The following SERGEF variants were observed in gnomAD, a reference collection of about 807,000 sequenced individuals.
SERGEF encodes the protein secretion-regulating guanine nucleotide exchange factor.
SERGEF carries 51 observed loss-of-function variants against 50.0 expected under a neutral mutation model. That is an observed-to-expected ratio of 1.02 (90% CI 0.81 to 1.29). The LOEUF is 1.29. SERGEF is among the 50% of genes most tolerant of loss of function. The pLI is 0.00. For synonymous variants in SERGEF, 205 were observed against 212.4 expected (o/e 0.97, Z 0.30); for missense variants, 521 against 557.0 (o/e 0.94, Z 0.65).
At chr11:17,870,649 A>T (rs1474634704) in intron 10 of SERGEF, among the ~76,000 whole-genome samples, 1 of 152,234 alleles carries the variant, frequency 6.6e-6, no homozygotes, top group East Asian at 1.9e-4. Flanking sequence ...AGCAACAATG[A>T]ACAAAACTAA....
intron 10 of SERGEF, among the ~76,000 whole-genome samples, chr11:17,865,354 T>A (rs1851001900): frequency 2.0e-5 from 3 of 152,226 alleles, no homozygotes; most frequent in African/African-American, 4.8e-5. Flanking sequence ...TATACTATAC[T>A]TTTTATTGTT....
At position 17,958,641 on chromosome 11, in the gene SERGEF, T is replaced by G. The variant is rs147860419; in HGVS notation, c.1011+829A>C. Among the ~76,000 whole-genome samples, 878 of 152,276 alleles carry G rather than the reference T, an allele frequency of 5.8e-3. 9 individuals carry two copies. Among genetic ancestry groups the G allele is most frequent in the African/African-American group, 0.02 (831 of 41,544 alleles). On this transcript the variant is annotated intron_variant, in intron 9 of 10. Transcript: ENST00000265965. Reference sequence around the variant, plus strand: ...CCCTTGATCAGGTTCCAGCCCATCTTTCTGATATTACCTCATAACTGTCCT... The same window carrying G: ...CCCTTGATCAGGTTCCAGCCCATCTGTCTGATATTACCTCATAACTGTCCT...
At chr11:17,874,639 G>A (rs1033541369) in intron 10 of SERGEF, among the ~76,000 whole-genome samples, 1 of 152,178 alleles carries the variant, frequency 6.6e-6, no homozygotes, top group Admixed American at 6.5e-5. Flanking sequence ...GCTTCCATGG[G>A]GCTTGCTTCA....
intron 10 of SERGEF, among the ~76,000 whole-genome samples, chr11:17,830,649 G>GAGAGA (rs1554999450): frequency 0.026 from 1,986 of 77,706 alleles, 340 homozygotes; most frequent in African/African-American, 0.098. Flanking sequence ...GGAGAGGGAG[G>GAGAGA]GAGAGAGAGA....
chr11:17,882,418 C>CAAAA (rs770460948), intron 9 of SERGEF, among the ~76,000 whole-genome samples: 1 of 68,194 alleles, frequency 1.5e-5, no homozygotes, highest in Non-Finnish European at 3.0e-5. Flanking sequence ...GAGTCAGTCT[C>CAAAA]AAAAAAAAAA....
At chr11:17,917,211 A>G (rs1590196231) in intron 9 of SERGEF, among the ~76,000 whole-genome samples, 1 of 152,368 alleles carries the variant, frequency 6.6e-6, no homozygotes, top group Non-Finnish European at 1.5e-5. Flanking sequence ...TGTGGTACAT[A>G]TATATGATGA....
At chr11:17,916,865 C>T (rs112574746) in intron 9 of SERGEF, among the ~76,000 whole-genome samples, 2 of 152,182 alleles carry the variant, frequency 1.3e-5, no homozygotes, top group African/African-American at 4.8e-5. Context: ...CCTAGCACAA[C>T]GGTTCTCAAA....
chr11:17,964,369 A>C (rs1440939474), intron 8 of SERGEF, among the ~76,000 whole-genome samples: 1 of 152,228 alleles, frequency 6.6e-6, no homozygotes, highest in East Asian at 1.9e-4. Context: ...CAGGTGCTGC[A>C]GCCATAGCTA....
At chr11:17,804,141 A>T (rs969940404) in intron 10 of SERGEF, among the ~76,000 whole-genome samples, 4 of 152,226 alleles carry the variant, frequency 2.6e-5, no homozygotes, top group African/African-American at 9.6e-5. Context: ...TTTTTCAAAC[A>T]GTGGCCCGAT....
chr11:17,829,190 G>A (rs1479612402), intron 10 of SERGEF, among the ~76,000 whole-genome samples: 1 of 152,154 alleles, frequency 6.6e-6, no homozygotes, highest in East Asian at 1.9e-4. Flanking sequence ...CGTGACCTTG[G>A]GTAAGTTCCC....
At chr11:17,914,116 A>C (rs1852003461) in intron 9 of SERGEF, among the ~76,000 whole-genome samples, 1 of 152,182 alleles carries the variant, frequency 6.6e-6, no homozygotes, top group South Asian at 2.1e-4. Flanking sequence ...AAAATGAACT[A>C]CTTGCTGATC....
chr11:17,818,388 A>G (rs1850018997), intron 10 of SERGEF, among the ~76,000 whole-genome samples: 1 of 152,218 alleles, frequency 6.6e-6, no homozygotes, highest in African/African-American at 2.4e-5. Flanking sequence ...AATTTTACAG[A>G]AAATATCTAC....
intron 10 of SERGEF, among the ~76,000 whole-genome samples, chr11:17,815,429 T>C (rs1849953808): frequency 8.5e-6 from 1 of 117,750 alleles, no homozygotes; most frequent in Non-Finnish European, 1.7e-5. Flanking sequence ...TGAAACCCCA[T>C]CTCTACTAAA....
At chr11:17,887,434 T>C (rs967336226) in intron 9 of SERGEF, among the ~76,000 whole-genome samples, 7 of 152,134 alleles carry the variant, frequency 4.6e-5, no homozygotes, top group Admixed American at 3.3e-4. Context: ...ACCATGTGAG[T>C]TGGACAATCA....
At chr11:17,929,289 A>G (rs1482541279) in intron 9 of SERGEF, among the ~76,000 whole-genome samples, 1 of 152,196 alleles carries the variant, frequency 6.6e-6, no homozygotes, top group Admixed American at 6.5e-5. Context: ...CCCAGAGGAA[A>G]AAATCAAATC....
At chr11:17,972,597 T>G (rs1853272781) in intron 8 of SERGEF, among the ~76,000 whole-genome samples, 1 of 152,250 alleles carries the variant, frequency 6.6e-6, no homozygotes, top group Non-Finnish European at 1.5e-5. Context: ...ATAACACAAC[T>G]TTTATATACA....
chr11:17,867,443 T>C (rs964810003), intron 10 of SERGEF, among the ~76,000 whole-genome samples: 3 of 152,240 alleles, frequency 2.0e-5, no homozygotes, highest in African/African-American at 7.2e-5. Context: ...TGGGTTCCCA[T>C]GGTCTTGGGC....
At chr11:17,966,781 G>C (rs984620463) in intron 8 of SERGEF, among the ~76,000 whole-genome samples, 4 of 152,140 alleles carry the variant, frequency 2.6e-5, no homozygotes, top group Middle Eastern at 3.4e-3. Flanking sequence ...CCAAATACAG[G>C]CTGCCTAACT....
rs768600003 is a variant in SERGEF, at chr11:18,006,728, A to G, written c.215T>C (p.Val72Ala). 1 of 1,614,204 alleles carries G rather than the reference A, an allele frequency of 6.2e-7. No homozygotes were observed. The highest frequency in any genetic ancestry group is 1.7e-5 in the Admixed American group (1 of 60,020). ...AVVTDGGDLF[V>A]CGLNKDGQLG... Reference sequence around the variant, plus strand: ...TTGCCCATCTTTGTTCAGGCCACAAACAAAGAGGTCTCCTCCATCTGCAAA... The same window carrying G: ...TTGCCCATCTTTGTTCAGGCCACAAGCAAAGAGGTCTCCTCCATCTGCAAA... The change falls in exon 3 of 11, where the codon GTT becomes GCT. Residue 72 changes from valine to alanine, a missense_variant. Coordinates refer to ENST00000265965, the MANE Select transcript of SERGEF (RefSeq NM_012139.4).
Sources: gnomAD v4.1 joint callset for allele counts (sites outside exome capture counted in the v4.1 genomes callset) on GRCh38, gnomAD v4.1.1 for gene constraint, MANE v1.5 for transcripts, NCBI Gene and HGNC (gene_info 2026-07-23, HGNC 2026-07-21) for gene names.